IGSF11: variants seen among roughly 807,000 people sequenced by gnomAD.
The protein encoded by IGSF11 is immunoglobulin superfamily member 11.
In IGSF11, 22 loss-of-function variants were observed where a neutral mutation model predicts 41.0. That is an observed-to-expected ratio of 0.54 (90% confidence interval 0.38 to 0.77). The LOEUF is 0.77. Among genes scored for constraint, IGSF11 ranks in the 30% least tolerant of loss-of-function variants. The pLI, the probability that IGSF11 is intolerant of heterozygous loss-of-function variation, is 0.00. For missense variants in IGSF11, 444 were observed against 530.8 expected, an observed-to-expected ratio of 0.84 and a Z score of 1.61; for synonymous variants, 219 against 201.3, an observed-to-expected ratio of 1.09 and a Z score of -0.74.
At chr3:119,002,550 G>A (rs973460202) in intron 1 of IGSF11, among the ~76,000 whole-genome samples, 1 of 135,372 alleles carries the variant, frequency 7.4e-6, no homozygotes, top group Admixed American at 7.3e-5. Context: ...CCTTGCCCAC[G>A]CCTATGTCCT....
chr3:118,903,789 G>C (rs1012982425), intron 6 of IGSF11, among the ~76,000 whole-genome samples: 1 of 152,218 alleles, frequency 6.6e-6, no homozygotes, highest in African/African-American at 2.4e-5. Context: ...ATCAGTGCAA[G>C]AATGTTTACG....
At chr3:119,124,756 A>G (rs1243515065) in intron 1 of IGSF11, among the ~76,000 whole-genome samples, 2 of 152,146 alleles carry the variant, frequency 1.3e-5, no homozygotes, top group African/African-American at 2.4e-5. Context: ...AGTTCACTCA[A>G]AGGGATAATA....
chr3:119,101,133 C>T (rs941599482), intron 1 of IGSF11, among the ~76,000 whole-genome samples: 6 of 152,198 alleles, frequency 3.9e-5, no homozygotes, highest in Admixed American at 3.9e-4. Flanking sequence ...TTGTCTAACA[C>T]GGGCTATCAT....
rs779714660 is a variant in IGSF11 at position 118,930,139 on chromosome 3, A to T, written c.189T>A (p.Pro63=). The T allele has an allele frequency of 6.2e-7, 1 of 1,613,750 alleles. No homozygotes were observed. Residue 63 remains proline, a synonymous_variant, in exon 2 of 7, where the codon CCT becomes CCA. Transcript: ENST00000393775. The stretch of plus-strand genomic sequence containing the variant: ...GTTCAGGTTGGTTGGCATTGGAGAG[A>T]GGAGTGACCATCCAAATGACATTGA... ...INLNVIWMVT[P]LSNANQPEQV... is the part of the protein sequence containing the mutation.
chr3:119,030,411 G>A (rs1940285944), intron 1 of IGSF11, among the ~76,000 whole-genome samples: 1 of 151,978 alleles, frequency 6.6e-6, no homozygotes, highest in African/African-American at 2.4e-5. Context: ...TTTGCAAATT[G>A]GAAACCAATT....
At chr3:118,957,645 T>C (rs4687833) in intron 1 of IGSF11, among the ~76,000 whole-genome samples, 124,206 of 152,192 alleles carry the variant, frequency 0.82, 50,801 homozygotes, top group African/African-American at 0.86. Flanking sequence ...CTCCAATCAC[T>C]ATTTATTTCA....
intron 1 of IGSF11, among the ~76,000 whole-genome samples, chr3:119,056,147 C>CA (rs571764252): frequency 0.025 from 3,779 of 151,082 alleles, 149 homozygotes; most frequent in African/African-American, 0.087. Flanking sequence ...GAAATAGAGA[C>CA]AAAAAAAACC....
At position 119,075,745 on chromosome 3, in the gene IGSF11, G is replaced by A. The variant is rs2076483582; in HGVS notation, c.49+29399C>T. On this transcript the variant is annotated intron_variant, in intron 1 of 6. Coordinates refer to the IGSF11 transcript ENST00000354673. ...CAAAACCCAAATGATCATCTCAATA[G>A]ATGCACAAAAAGCTTTTTATAAAAT... Among the ~76,000 whole-genome samples, 3 of 152,204 alleles carry A rather than the reference G, an allele frequency of 2.0e-5. No individual in the cohort carries two copies. The South Asian group carries it at 6.2e-4, about 32-fold the overall frequency.
chr3:119,074,527 C>T (rs906904841), intron 1 of IGSF11, among the ~76,000 whole-genome samples: 3 of 151,504 alleles, frequency 2.0e-5, no homozygotes, highest in African/African-American at 2.4e-5. Context: ...TTAAGAGGAA[C>T]GTTTATAGTG....
chr3:119,029,934 T>C (rs1940241745), intron 1 of IGSF11, among the ~76,000 whole-genome samples: 2 of 152,208 alleles, frequency 1.3e-5, no homozygotes, highest in East Asian at 1.9e-4. Flanking sequence ...CCCACAAATC[T>C]ATTACACTTT....
At chr3:118,995,642 C>CTTGT (rs62704461) in intron 1 of IGSF11, among the ~76,000 whole-genome samples, 1 of 145,366 alleles carries the variant, frequency 6.9e-6, no homozygotes, top group Non-Finnish European at 1.6e-5. Flanking sequence ...TTATGGTTTG[C>CTTGT]TTGTTTATTT....
At chr3:119,141,042 T>TAAAAAAAAAAAAAA (rs35323898) in intron 1 of IGSF11, among the ~76,000 whole-genome samples, 3 of 99,768 alleles carry the variant, frequency 3.0e-5, no homozygotes, top group Admixed American at 1.2e-4. Flanking sequence ...TCTGTCTCAT[T>TAAAAAAAAAAAAAA]AAAAAAAAAA....
At chr3:119,057,373 T>C (rs373162800) in intron 1 of IGSF11, among the ~76,000 whole-genome samples, 3,620 of 152,166 alleles carry the variant, frequency 0.024, 65 homozygotes, top group South Asian at 0.085. Context: ...CCATTCACAA[T>C]TGCTTCAAAG....
At chr3:118,930,454 C>T (rs1357266897) in intron 1 of IGSF11, among the ~76,000 whole-genome samples, 179 bp from the exon 2 acceptor site, 1 of 152,154 alleles carries the variant, frequency 6.6e-6, no homozygotes, top group Non-Finnish European at 1.5e-5. Flanking sequence ...ATGGTTCATC[C>T]CTTTACCTCC....
At chr3:119,036,697 C>CA (rs59651814), upstream of IGSF11, among the ~76,000 whole-genome samples, 471 of 147,588 alleles carry the variant, frequency 3.2e-3, 5 homozygotes, top group East Asian at 0.041. Context: ...AAGGTTAAAC[C>CA]AAAAAAAAAA....
intron 1 of IGSF11, among the ~76,000 whole-genome samples, chr3:119,055,173 T>C (rs1941778728): frequency 6.6e-6 from 1 of 152,110 alleles, no homozygotes; most frequent in Non-Finnish European, 1.5e-5. Flanking sequence ...CAAACACCCA[T>C]CTGTACATCA....
intron 1 of IGSF11, among the ~76,000 whole-genome samples, chr3:119,103,076 C>A (rs1052749495): frequency 4.7e-5 from 7 of 148,584 alleles, no homozygotes; most frequent in Admixed American, 2.7e-4. Flanking sequence ...CAGCTCACTG[C>A]AAGCTCCGCC....
At chr3:119,008,609 G>T (rs965891025) in intron 1 of IGSF11, among the ~76,000 whole-genome samples, 4 of 152,112 alleles carry the variant, frequency 2.6e-5, no homozygotes, top group Non-Finnish European at 4.4e-5. Flanking sequence ...CAACATTTTT[G>T]GTGATTCTGA....
chr3:118,993,414 G>A (rs1935971137), intron 1 of IGSF11, among the ~76,000 whole-genome samples: 2 of 152,218 alleles, frequency 1.3e-5, no homozygotes, highest in African/African-American at 4.8e-5. Context: ...ATTCTGTGGA[G>A]AATGTAAAAG....
Sources: allele counts gnomAD v4.1 joint callset (sites outside exome capture counted in the v4.1 genomes callset), GRCh38; gene constraint gnomAD v4.1.1; transcripts MANE v1.5; gene names NCBI Gene and HGNC (gene_info 2026-07-23, HGNC 2026-07-21).